NBPF11: variants seen among roughly 807,000 people sequenced by gnomAD.
NBPF11 encodes the protein NBPF family member NBPF11.
A neutral mutation model predicts 93.9 loss-of-function variants in NBPF11; 72 were observed. The ratio of observed to expected loss-of-function variants is 0.77; its 90% CI spans 0.63 to 0.93. NBPF11 has a LOEUF of 0.93. Among genes scored for constraint, NBPF11 ranks in the 40% least tolerant of loss-of-function variants. The pLI, the probability that NBPF11 is intolerant of heterozygous loss-of-function variation, is 0.00. For missense variants in NBPF11, 705 were observed against 802.2 expected, an observed-to-expected ratio of 0.88 and a Z score of 1.46; for synonymous variants, 224 against 304.9, an observed-to-expected ratio of 0.73 and a Z score of 2.76.
At chr1:148,111,911 G>T (rs1413487151) in intron 15 of NBPF11, among the ~76,000 whole-genome samples, 2 of 150,676 alleles carry the variant, frequency 1.3e-5, no homozygotes, top group Non-Finnish European at 2.9e-5. Flanking sequence ...ACACCATAAA[G>T]ATACTCCTCG....
chr1:148,108,880 C>CACAA (rs1468754815), intron 17 of NBPF11, among the ~76,000 whole-genome samples: 1 of 143,390 alleles, frequency 7.0e-6, no homozygotes, highest in Admixed American at 7.3e-5. Context: ...CACACACACA[C>CACAA]ACACACACAC....
At chr1:148,151,070 G>A (rs1648191981) in intron 1 of NBPF11, among the ~76,000 whole-genome samples, 1 of 151,712 alleles carries the variant, frequency 6.6e-6, no homozygotes, top group African/African-American at 2.4e-5. Flanking sequence ...TTAACTCTTG[G>A]GTGAAAGGAC....
rs1432067242 is a variant in NBPF11 at position 148,102,462 on chromosome 1, C to T, written c.*1434G>A. ...CTCTAAAAGGGACAGATCTCCTAGA[C>T]CCCTCCTTAACCAAGTAACCAGTCC... is the stretch of plus-strand genomic sequence containing the variant. On this transcript the variant is annotated 3_prime_UTR_variant, in exon 24 of 24. Transcript: ENST00000682118. The T allele has an allele frequency of 6.6e-6, 1 of 151,792 alleles. No individual in the cohort carries two copies. Among genetic ancestry groups the T allele is most frequent in the Non-Finnish European group, 1.5e-5 (1 of 68,002 alleles). The allele number at this position is 151,792 out of a possible 1,614,324, so 9.4% of individuals were successfully genotyped here.
At chr1:148,144,831 A>C (rs1437215600) in intron 1 of NBPF11, among the ~76,000 whole-genome samples, 3 of 151,594 alleles carry the variant, frequency 2.0e-5, no homozygotes, top group African/African-American at 7.3e-5. Context: ...TTAGCTGGGC[A>C]TGGTGGTGCA....
chr1:148,108,665 G>C lies in NBPF11; in HGVS notation c.1854-11C>G, dbSNP rs1415560886. On this transcript the variant is annotated splice_polypyrimidine_tract_variant and intron_variant, in intron 17 of 23. Transcript: ENST00000682118. ...AGCTCCCTGCTGAGCCTGGAAAAGT[G>C]GGAAAAAGTAAAGAATAAGCCAGGG... The C allele has an allele frequency of 2.1e-6, 2 of 936,276 alleles. No homozygotes were observed. The highest frequency in any genetic ancestry group is 3.5e-6 in the Non-Finnish European group (2 of 565,038). The allele number at this position is 936,276 out of a possible 1,614,324, so 58.0% of individuals were successfully genotyped here. A position where few individuals can be genotyped will look rare whatever the true frequency, so the allele number is the denominator to read the frequency against.
intron 10 of NBPF11, 53 bp downstream of exon 10, chr1:148,120,448 A>T (rs1488799726): frequency 2.2e-5 from 18 of 835,438 alleles, no homozygotes; most frequent in Non-Finnish European, 3.8e-5. Context: ...TTTCTCAGAG[A>T]GAAGACAGGA....
At position 148,146,327 on chromosome 1, in the gene NBPF11, G is replaced by A. The variant is rs1364032737; in HGVS notation, c.-548-2641C>T. On this transcript the variant is annotated intron_variant, in intron 1 of 23. Coordinates refer to ENST00000682118, the MANE Select transcript of NBPF11 (RefSeq NM_001385469.3). ...ACTCGGAGCACCCCACCCCTCCCCT[G>A]CCGGGCCAGGCCGGGCGGCGTTGTT... 1.1e-5 allele frequency: 16 copies of A among 1,391,428 alleles called. No homozygotes were observed. The East Asian group carries it at 4.7e-4, about 41-fold the overall frequency. The allele number at this position is 1,391,428 out of a possible 1,614,324, so 86.2% of individuals were successfully genotyped here.
At chr1:148,140,960 A>T (rs1240315110) in intron 2 of NBPF11, among the ~76,000 whole-genome samples, 1 of 152,080 alleles carries the variant, frequency 6.6e-6, no homozygotes, top group Middle Eastern at 3.2e-3. Context: ...ATACAATGAA[A>T]TCTGATTCAG....
At chr1:148,115,613 T>C (rs1454466540) in intron 14 of NBPF11, among the ~76,000 whole-genome samples, 180 bp downstream of exon 14, 3 of 151,816 alleles carry the variant, frequency 2.0e-5, no homozygotes, top group Non-Finnish European at 4.4e-5. Context: ...AACTTGATAC[T>C]GGGGACTGGC....
chr1:148,126,002 T>C (rs1275054878), intron 5 of NBPF11, among the ~76,000 whole-genome samples: 2 of 152,044 alleles, frequency 1.3e-5, no homozygotes, highest in African/African-American at 2.4e-5. Context: ...TTTATTTATC[T>C]TTTTGTTTGT....
Position 148,103,884 on chromosome 1 carries a change from C to A in NBPF11, c.*12G>T, listed in dbSNP as rs1571401117. ...AGTGAGTCCTGTAAGACTTCAGGCA[C>A]TTCCACTTCCATCAGCACGCTGCTG... On this transcript the variant is annotated 3_prime_UTR_variant, in exon 24 of 24. Transcript: ENST00000682118. 2 of 1,611,100 alleles carry A rather than the reference C, an allele frequency of 1.2e-6. No homozygotes were observed. The highest frequency in any genetic ancestry group is 4.5e-5 in the East Asian group (2 of 44,876).
rs1664382479 is a variant in NBPF11 at position 148,108,572 on chromosome 1, A to G, written c.1936T>C (p.Tyr646His). The G allele has an allele frequency of 1.3e-6, 2 of 1,598,120 alleles. No individual in the cohort carries two copies. The highest frequency in any genetic ancestry group is 1.7e-6 in the Non-Finnish European group (2 of 1,168,056). ...LDRCYSTPSV[Y>H]LGLTDSCQPY... is the part of the protein sequence containing the mutation. ...TGGCATGAGTCAGTCAGTCCAAGAT[A>G]AACTGAAGGAGTTGAATAACATCTA... is the stretch of plus-strand genomic sequence containing the variant. The change falls in exon 18 of 24, where the codon TAT (tyrosine) becomes CAT (histidine). Residue 646 changes from tyrosine (Y) to histidine (H), a missense_variant. This residue lies in a region of NBPF11 where 97 missense variants were observed against 65.0 expected (regional missense o/e 1.49). Transcript: ENST00000682118.
Position 148,152,267 on chromosome 1 carries a change from C to T in NBPF11, c.-1066G>A, listed in dbSNP as rs2746920. 1.7e-4 allele frequency: 26 copies of T among 152,294 alleles called. 1 individual carries two copies. The highest frequency in any genetic ancestry group is 6.3e-4 in the African/African-American group (26 of 41,470). The allele number at this position is 152,294 out of a possible 1,614,324, so 9.4% of individuals were successfully genotyped here. A position where few individuals can be genotyped will look rare whatever the true frequency, so the allele number is the denominator to read the frequency against. On this transcript the variant is annotated 5_prime_UTR_variant, in exon 1 of 24. Coordinates refer to ENST00000682118, the MANE Select transcript of NBPF11 (RefSeq NM_001385469.3). Reference sequence around the variant, plus strand: ...CCCCCTCGGAAGCCCGGAGCTACCCCGCGTTTAGGACTGCAGGCTTCGCGC... The same window carrying T: ...CCCCCTCGGAAGCCCGGAGCTACCCTGCGTTTAGGACTGCAGGCTTCGCGC...
intron 11 of NBPF11, 99 bp downstream of exon 11, chr1:148,118,521 C>A (rs1165541131): frequency 2.1e-6 from 2 of 970,314 alleles, no homozygotes; most frequent in Admixed American, 1.7e-5. Flanking sequence ...TCCTGCCCTT[C>A]CCCTGGCCCA....
intron 9 of NBPF11, 67 bp downstream of exon 9, chr1:148,121,988 C>A: frequency 1.0e-6 from 1 of 966,156 alleles, no homozygotes; most frequent in Non-Finnish European, 1.7e-6. Flanking sequence ...GTATATACAG[C>A]CTGTCCTCAG....
intron 3 of NBPF11, among the ~76,000 whole-genome samples, chr1:148,136,899 T>C (rs1406721871): frequency 6.6e-6 from 1 of 151,972 alleles, no homozygotes; most frequent in Admixed American, 6.5e-5. Flanking sequence ...TTTAAGCTTT[T>C]GATCTGATGT....
rs1189174744 is a variant in NBPF11 at position 148,146,206 on chromosome 1, G to A, written c.-548-2520C>T. On this transcript the variant is annotated intron_variant, in intron 1 of 23. Coordinates refer to ENST00000682118, the MANE Select transcript of NBPF11 (RefSeq NM_001385469.3). ...GACCTGTGGTTGCGAGGCTCCCTGG[G>A]GCTCGGCTTGGACCGCGATGGGGCT... is the stretch of plus-strand genomic sequence containing the variant. 3.8e-3 allele frequency among the ~76,000 whole-genome samples: 574 copies of A among 151,744 alleles called. 9 individuals are homozygous for A. Among genetic ancestry groups the A allele is most frequent in the African/African-American group, 0.012 (512 of 41,298 alleles).
Position 148,102,561 on chromosome 1 carries a change from T to C in NBPF11, c.*1335A>G, listed in dbSNP as rs1662575901. The C allele has an allele frequency of 6.6e-6, 1 of 151,516 alleles. No homozygotes were observed. The highest frequency in any genetic ancestry group is 2.1e-4 in the South Asian group (1 of 4,808). 9.4% of individuals were successfully genotyped at this position (151,516 alleles called of 1,614,324 possible). On this transcript the variant is annotated 3_prime_UTR_variant, in exon 24 of 24. Transcript: ENST00000682118. The stretch of plus-strand genomic sequence containing the variant: ...GGGCTGAGGTTGGAAACTCACAGCA[T>C]TGTCTCTGCAGTGTTCCCGTCAAAA...
At chr1:148,123,181 G>A (rs1174706231) in intron 7 of NBPF11, among the ~76,000 whole-genome samples, 5 of 152,014 alleles carry the variant, frequency 3.3e-5, no homozygotes, top group African/African-American at 1.2e-4. Context: ...CTTAGGAGAG[G>A]ACAAACTTGT....
Sources: allele counts gnomAD v4.1 joint callset (sites outside exome capture counted in the v4.1 genomes callset), GRCh38; gene constraint gnomAD v4.1.1; regional missense constraint gnomAD v4.1.1; transcripts MANE v1.5; gene names NCBI Gene and HGNC (gene_info 2026-07-23, HGNC 2026-07-21).